Variants in TRMT9B observed in about 807,000 individuals in gnomAD.
TRMT9B encodes the protein probable tRNA methyltransferase 9B.
A neutral mutation model predicts 11.5 loss-of-function variants in TRMT9B; 16 were observed. That is an observed-to-expected ratio of 1.39 (90% CI 0.94 to 2.11). The LOEUF (loss-of-function observed/expected upper bound fraction) is 2.11, where lower values mean the gene tolerates loss of function less well. Ranked by LOEUF, TRMT9B falls within the 30% of genes most tolerant of loss-of-function variation. The pLI is 0.00. For missense variants in TRMT9B, 941 were observed against 553.8 expected, an observed-to-expected ratio of 1.70 and a Z score of -7.02; for synonymous variants, 274 against 192.4, an observed-to-expected ratio of 1.42 and a Z score of -3.51.
At chr8:12,963,677 A>G (rs982167552) in intron 1 of TRMT9B, among the ~76,000 whole-genome samples, 3 of 152,082 alleles carry the variant, frequency 2.0e-5, no homozygotes, top group Non-Finnish European at 1.5e-5. Flanking sequence ...TGAGCCTTGG[A>G]GGTCAATGCT....
At chr8:13,019,933 T>G (rs2128901818) in intron 4 of TRMT9B, among the ~76,000 whole-genome samples, 1 of 152,316 alleles carries the variant, frequency 6.6e-6, no homozygotes, top group East Asian at 1.9e-4. Context: ...GATACCAAGG[T>G]TTGTGTGCTG....
intron 1 of TRMT9B, among the ~76,000 whole-genome samples, chr8:12,973,515 C>G (rs1803951019): frequency 6.6e-6 from 1 of 152,186 alleles, no homozygotes; most frequent in African/African-American, 2.4e-5. Flanking sequence ...TGGGAAGTAA[C>G]TGCTACTTTC....
chr8:12,956,265 C>T (rs188284280), intron 1 of TRMT9B, among the ~76,000 whole-genome samples: 60 of 152,134 alleles, frequency 3.9e-4, no homozygotes, highest in African/African-American at 1.3e-3. Context: ...ATATTTCATC[C>T]GAGATTTGGC....
At chr8:12,998,536 G>C (rs1042145797) in intron 2 of TRMT9B, among the ~76,000 whole-genome samples, 7 of 152,236 alleles carry the variant, frequency 4.6e-5, no homozygotes, top group African/African-American at 1.7e-4. Flanking sequence ...AATCCCTTCT[G>C]ATGACAGGGC....
chr8:12,954,125 A>C (rs1429229204), intron 1 of TRMT9B, among the ~76,000 whole-genome samples: 1 of 152,210 alleles, frequency 6.6e-6, no homozygotes, highest in Non-Finnish European at 1.5e-5. Flanking sequence ...GGTTAACTCT[A>C]CTTTAAATTG....
chr8:12,980,582 G>A (rs539143889), intron 1 of TRMT9B, among the ~76,000 whole-genome samples: 33 of 152,254 alleles, frequency 2.2e-4, no homozygotes, highest in African/African-American at 7.5e-4. Flanking sequence ...AGTAGAAAAT[G>A]CCGTGAGATA....
chr8:13,007,508 A>G (rs3739316), intron 3 of TRMT9B: 46,733 of 152,110 alleles, frequency 0.31, 8,168 homozygotes, highest in Middle Eastern at 0.54. Context: ...CTTTCTAAAT[A>G]CTGGTAAGAG....
intron 1 of TRMT9B, among the ~76,000 whole-genome samples, chr8:12,980,683 C>T (rs754656748): frequency 1.3e-4 from 20 of 152,086 alleles, no homozygotes; most frequent in Admixed American, 2.0e-4. Context: ...GCACAGGAGA[C>T]GAATCCTACA....
At chr8:12,947,167 G>T (rs778526591) in intron 1 of TRMT9B, among the ~76,000 whole-genome samples, 9 of 152,162 alleles carry the variant, frequency 5.9e-5, no homozygotes, top group Non-Finnish European at 1.2e-4. Flanking sequence ...TAAAACCAAT[G>T]AGGCCATAAA....
chr8:12,977,868 A>C (rs1453916465), intron 1 of TRMT9B, among the ~76,000 whole-genome samples: 2 of 151,998 alleles, frequency 1.3e-5, no homozygotes, highest in Non-Finnish European at 1.5e-5. Flanking sequence ...AAAAGAAAAA[A>C]ATACAAAAAC....
chr8:12,963,566 A>G (rs1009284748), intron 1 of TRMT9B, among the ~76,000 whole-genome samples: 7 of 152,176 alleles, frequency 4.6e-5, no homozygotes, highest in African/African-American at 1.7e-4. Flanking sequence ...CCTGGGCAAC[A>G]TGGTGAAACC....
At chr8:13,008,839 C>T (rs1219335913) in intron 3 of TRMT9B, among the ~76,000 whole-genome samples, 1 of 152,196 alleles carries the variant, frequency 6.6e-6, no homozygotes, top group Non-Finnish European at 1.5e-5. Flanking sequence ...CGCCATTCTC[C>T]TGCCTCAGCC....
intron 1 of TRMT9B, among the ~76,000 whole-genome samples, chr8:12,951,103 G>A (rs545670310): frequency 6.6e-6 from 1 of 152,156 alleles, no homozygotes; most frequent in African/African-American, 2.4e-5. Context: ...AATGGGGGGA[G>A]GAAAGGTTTG....
chr8:12,982,265 C>T (rs967605932), intron 1 of TRMT9B, among the ~76,000 whole-genome samples: 7 of 152,136 alleles, frequency 4.6e-5, no homozygotes, highest in Non-Finnish European at 8.8e-5. Context: ...GGCAGGGTTA[C>T]TCACAAGAGG....
At chr8:13,006,713 G>A in intron 3 of TRMT9B, 2 of 1,215,902 alleles carry the variant, frequency 1.6e-6, no homozygotes, top group East Asian at 2.9e-5. Context: ...TTGTCAACCA[G>A]ATTGGAGTGC....
rs956198386 is a variant in TRMT9B, at chr8:12,969,118, C to T, written c.-199-21716C>T. Among the ~76,000 whole-genome samples the T allele has an allele frequency of 2.0e-5, 3 of 152,112 alleles. No individual in the cohort carries two copies. In the East Asian group the frequency reaches 5.8e-4, roughly 29 times the overall value. On this transcript the variant is annotated intron_variant, in intron 1 of 4. Coordinates refer to ENST00000524591, the MANE Select transcript of TRMT9B (RefSeq NM_020844.3). ...ATTCTAGCTACTCGGGAGGCTGAGG[C>T]AGGAGAATCGCTTGGAAGGTGGAGA...
chr8:13,019,902 C>G (rs148010315), intron 4 of TRMT9B, among the ~76,000 whole-genome samples: 1 of 152,294 alleles, frequency 6.6e-6, no homozygotes, highest in East Asian at 1.9e-4. Context: ...CTCTGGCTTT[C>G]TTACATTACT....
chr8:12,997,089 G>C (rs2128882670), intron 2 of TRMT9B, among the ~76,000 whole-genome samples: 1 of 151,314 alleles, frequency 6.6e-6, no homozygotes, highest in East Asian at 2.0e-4. Context: ...TTCTTTTGTG[G>C]ACTTCCCTTT....
In TRMT9B at chr8:13,023,178, A is replaced by G. The variant is rs1814228732; in HGVS notation, c.*1134A>G. The G allele has an allele frequency of 6.0e-6, 1 of 167,120 alleles. No homozygotes were observed. Among genetic ancestry groups the G allele is most frequent in the African/African-American group, 2.4e-5 (1 of 41,468 alleles). 10.4% of individuals were successfully genotyped at this position (167,120 alleles called of 1,614,324 possible). A position where few individuals can be genotyped will look rare whatever the true frequency, so the allele number is the denominator to read the frequency against. On this transcript the variant is annotated 3_prime_UTR_variant, in exon 5 of 5. Coordinates refer to ENST00000524591, the MANE Select transcript of TRMT9B (RefSeq NM_020844.3). ...ATGCTTATTAGAAGGATGAATATCC[A>G]AGACCAAGATTGACTAATGATGAGT...
Sources: gnomAD v4.1 joint callset for allele counts (sites outside exome capture counted in the v4.1 genomes callset) on GRCh38, gnomAD v4.1.1 for gene constraint, MANE v1.5 for transcripts, NCBI Gene and HGNC (gene_info 2026-07-23, HGNC 2026-07-21) for gene names.